The following EFEMP1 variants were observed in gnomAD, a reference collection of about 807,000 sequenced individuals.
EFEMP1 encodes EGF-containing fibulin-like extracellular matrix protein 1.
In EFEMP1, 18 loss-of-function variants were observed where a neutral mutation model predicts 65.7. The observed-to-expected ratio is 0.27, with a 90% CI of 0.19 to 0.41. The LOEUF is 0.41. EFEMP1 is among the 10% of genes least tolerant of loss of function. The pLI is 1.00. For missense variants in EFEMP1, 469 were observed against 624.8 expected, an observed-to-expected ratio of 0.75 and a Z score of 2.66; for synonymous variants, 237 against 219.7, an observed-to-expected ratio of 1.08 and a Z score of -0.70.
intron 11 of EFEMP1, among the ~76,000 whole-genome samples, chr2:55,869,901 C>T (rs1327359788): frequency 6.6e-6 from 1 of 151,934 alleles, no homozygotes; most frequent in African/African-American, 2.4e-5. Flanking sequence ...TGTAGGGAGA[C>T]TGGAAGGCTG....
rs189780177 is a variant in EFEMP1 at position 55,868,519 on chromosome 2, C to T, written c.1321-1285G>A. Among the ~76,000 whole-genome samples the T allele has an allele frequency of 7.2e-5, 11 of 152,236 alleles. No individual in the cohort carries two copies. The East Asian group carries it at 1.9e-3, about 27-fold the overall frequency. ...ATGTACTTTCTTTACAATACGTTCT[C>T]TTTTCCAGGGAAGATGGTTTTCTCA... On this transcript the variant is annotated intron_variant, in intron 11 of 11. Coordinates refer to ENST00000355426, the MANE Select transcript of EFEMP1 (RefSeq NM_001039348.3).
At position 55,883,713 on chromosome 2, in the gene EFEMP1, C is replaced by T. The variant is rs547433224; in HGVS notation, c.518-1979G>A. ...ACAACTGATGCCCTATGACTTCCTTCCTACTTTCTTGTTGCTCATTTCTTA... is the reference window on the plus strand; with the variant it reads ...ACAACTGATGCCCTATGACTTCCTTTCTACTTTCTTGTTGCTCATTTCTTA... On this transcript the variant is annotated intron_variant, in intron 5 of 11. Transcript: ENST00000355426. This position sits in a 1 kb window ranked among gnomAD's most constrained non-coding sequence, Gnocchi z 4.5. Among the ~76,000 whole-genome samples the T allele has an allele frequency of 2.6e-5, 4 of 152,268 alleles. No individual in the cohort carries two copies. The South Asian group carries it at 8.3e-4, about 32-fold the overall frequency.
At chr2:55,903,758 C>A (rs1225135883) in intron 5 of EFEMP1, among the ~76,000 whole-genome samples, 2 of 151,838 alleles carry the variant, frequency 1.3e-5, no homozygotes, top group South Asian at 2.1e-4. Flanking sequence ...TTTTGAGGGA[C>A]ATATGCATTT....
rs992150262 is a variant in EFEMP1, at chr2:55,867,361, C to G, written c.1321-127G>C. 54 of 1,004,748 alleles carry G rather than the reference C, an allele frequency of 5.4e-5. No individual in the cohort carries two copies. In the African/African-American group the frequency reaches 8.1e-4, roughly 15 times the overall value. 62.2% of individuals were successfully genotyped at this position (1,004,748 alleles called of 1,614,324 possible). ...TGAAGGTGGTATAAAAGAGCCACTA[C>G]TTGGTCCCTTCTTGGTTTCAACTCT... On this transcript the variant is annotated intron_variant, in intron 11 of 11. Coordinates refer to ENST00000355426, the MANE Select transcript of EFEMP1 (RefSeq NM_001039348.3). The surrounding 1 kb of genome is among the most constrained non-coding windows in gnomAD (Gnocchi z 4.3).
At chr2:55,918,486 C>T (rs753997844) in intron 3 of EFEMP1, among the ~76,000 whole-genome samples, 2 of 152,050 alleles carry the variant, frequency 1.3e-5, no homozygotes, top group Non-Finnish European at 2.9e-5. Context: ...CCATCAGCTG[C>T]CTAAACTCTT....
intron 5 of EFEMP1, among the ~76,000 whole-genome samples, chr2:55,904,966 C>CTTTTTTTTTTTTTTTTTTTTTTTT (rs796758221): frequency 8.5e-5 from 6 of 70,558 alleles, no homozygotes; most frequent in South Asian, 1.1e-3. Context: ...GGGATAGTGG[C>CTTTTTTTTTTTTTTTTTTTTTTTT]TTTTTTTTTT....
chr2:55,878,618 C>T (rs975469549), intron 6 of EFEMP1, among the ~76,000 whole-genome samples: 2 of 152,114 alleles, frequency 1.3e-5, no homozygotes, highest in African/African-American at 2.4e-5. Flanking sequence ...AACCATTATG[C>T]ATATACAATG....
chr2:55,881,783 G>T, intron 5 of EFEMP1, 49 bp from the exon 6 acceptor site: 1 of 1,613,038 alleles, frequency 6.2e-7, no homozygotes, highest in Non-Finnish European at 8.5e-7. Context: ...TGAAGATGTT[G>T]ATATTTCCTC....
chr2:55,922,408 A>T lies in EFEMP1; in HGVS notation c.33T>A (p.Thr11=). The T allele has an allele frequency of 6.2e-7, 1 of 1,613,988 alleles. No homozygotes were observed. Among genetic ancestry groups the T allele is most frequent in the Non-Finnish European group, 8.5e-7 (1 of 1,179,864 alleles). ...TGTCCTGTGACTTGACCAGCGCCAG[A>T]GTCAGCATAGTTAGGAAAAGGGCTT... The part of the protein sequence containing the change: MLKALFLTML[T]LALVKSQDTE... Residue 11 remains threonine, a synonymous_variant, in exon 3 of 12, where the codon ACT becomes ACA. Transcript: ENST00000355426. The surrounding 1 kb of genome is among the most constrained non-coding windows in gnomAD (Gnocchi z 5.5).
At chr2:55,869,995 A>G (rs183603429) in intron 11 of EFEMP1, among the ~76,000 whole-genome samples, 4 of 152,218 alleles carry the variant, frequency 2.6e-5, no homozygotes, top group Non-Finnish European at 4.4e-5. Flanking sequence ...GAAGAGAGAT[A>G]GGGATGTGAG....
At chr2:55,889,630 G>T (rs1669557370) in intron 5 of EFEMP1, among the ~76,000 whole-genome samples, 1 of 152,050 alleles carries the variant, frequency 6.6e-6, no homozygotes, top group Non-Finnish European at 1.5e-5. Context: ...AGTATTTTGG[G>T]ATTTATAAAA....
chr2:55,883,747 T>C lies in EFEMP1; in HGVS notation c.518-2013A>G, dbSNP rs1031319031. On this transcript the variant is annotated intron_variant, in intron 5 of 11. Coordinates refer to ENST00000355426, the MANE Select transcript of EFEMP1 (RefSeq NM_001039348.3). The surrounding 1 kb of genome is among the most constrained non-coding windows in gnomAD (Gnocchi z 4.5). ...TTGTTGCTCATTTCTTAGTGTCTGATAAATAGGCTAACATTTCCAGTGGAA... is the reference window on the plus strand; with the variant it reads ...TTGTTGCTCATTTCTTAGTGTCTGACAAATAGGCTAACATTTCCAGTGGAA... Among the ~76,000 whole-genome samples the C allele has an allele frequency of 6.6e-6, 1 of 152,192 alleles. No homozygotes were observed. Among genetic ancestry groups the C allele is most frequent in the Non-Finnish European group, 1.5e-5 (1 of 68,028 alleles).
intron 5 of EFEMP1, among the ~76,000 whole-genome samples, chr2:55,891,857 A>G (rs947969487): frequency 2.6e-5 from 4 of 152,124 alleles, no homozygotes; most frequent in Non-Finnish European, 5.9e-5. Flanking sequence ...ACATTAAATC[A>G]AGTGAGATCT....
At chr2:55,889,639 A>G (rs1452143425) in intron 5 of EFEMP1, among the ~76,000 whole-genome samples, 1 of 152,186 alleles carries the variant, frequency 6.6e-6, no homozygotes, top group Non-Finnish European at 1.5e-5. Flanking sequence ...GGATTTATAA[A>G]ATATTTAGAA....
chr2:55,892,560 G>A (rs912184021), intron 5 of EFEMP1, among the ~76,000 whole-genome samples: 1 of 132,022 alleles, frequency 7.6e-6, no homozygotes, highest in Non-Finnish European at 1.5e-5. Flanking sequence ...TGTTAGAAGA[G>A]TGGGATGAAT....
chr2:55,897,236 T>TAA (rs1406541572), intron 5 of EFEMP1, among the ~76,000 whole-genome samples: 1 of 152,204 alleles, frequency 6.6e-6, no homozygotes, highest in Non-Finnish European at 1.5e-5. Context: ...ACTAGTTACT[T>TAA]AATTCAGGCT....
chr2:55,870,722 G>A lies in EFEMP1; in HGVS notation c.1318C>T (p.Arg440Ter), dbSNP rs2104368767. The part of the protein sequence containing the change: ...SGNENGEFYL[R>*]QTSPVSAMLV... ...AAGGCTGCCTTCAGGATACTTACTC[G>A]TAGGTAGAACTCTCCATTTTCATTT... is the stretch of plus-strand genomic sequence containing the variant. Residue 440 changes from arginine to a stop codon, truncating the protein, a stop_gained and splice_region_variant, in exon 11 of 12, where the codon CGA becomes TGA. Coordinates refer to ENST00000355426, the MANE Select transcript of EFEMP1 (RefSeq NM_001039348.3). LOFTEE classifies it high-confidence loss of function. The surrounding 1 kb of genome is among the most constrained non-coding windows in gnomAD (Gnocchi z 5.8). The A allele has an allele frequency of 6.2e-7, 1 of 1,613,462 alleles. No individual in the cohort carries two copies. The highest frequency in any genetic ancestry group is 1.1e-5 in the South Asian group (1 of 91,058).
At chr2:55,881,998 A>G (rs531240599) in intron 5 of EFEMP1, among the ~76,000 whole-genome samples, 2 of 152,246 alleles carry the variant, frequency 1.3e-5, no homozygotes, top group South Asian at 4.2e-4. Flanking sequence ...GAAACATTTC[A>G]GATACAGCTA....
chr2:55,878,074 G>A (rs936329177), intron 6 of EFEMP1, among the ~76,000 whole-genome samples: 1 of 152,174 alleles, frequency 6.6e-6, no homozygotes, highest in African/African-American at 2.4e-5. Flanking sequence ...ATGCCATTCA[G>A]TGGTAAATAA....
Sources: gnomAD v4.1 joint callset for allele counts (sites outside exome capture counted in the v4.1 genomes callset) on GRCh38, gnomAD v4.1.1 for gene constraint, Gnocchi (gnomAD v3.1) non-coding constraint, MANE v1.5 for transcripts, NCBI Gene and HGNC (gene_info 2026-07-23, HGNC 2026-07-21) for gene names.